Variants in COBLL1 observed in about 807,000 individuals in gnomAD.
COBLL1 encodes cordon-bleu protein-like 1.
In COBLL1, 50 loss-of-function variants were observed where a neutral mutation model predicts 94.8. That is an observed-to-expected ratio of 0.53 (90% CI 0.42 to 0.67). COBLL1 has a LOEUF of 0.67. Among genes scored for constraint, COBLL1 ranks in the 30% least tolerant of loss-of-function variants. The pLI is 0.00. For missense variants in COBLL1, 1,362 were observed against 1,348.7 expected (o/e 1.01, Z -0.15); for synonymous variants, 448 against 473.8 (o/e 0.95, Z 0.71).
chr2:164,779,358 A>G (rs1009434362), intron 2 of COBLL1, among the ~76,000 whole-genome samples: 1 of 152,036 alleles, frequency 6.6e-6, no homozygotes, highest in Non-Finnish European at 1.5e-5. Context: ...TCTCTTGATA[A>G]CTTGAAGGAA....
chr2:164,705,723 A>G (rs554742763), intron 7 of COBLL1, among the ~76,000 whole-genome samples: 2 of 152,294 alleles, frequency 1.3e-5, no homozygotes, highest in African/African-American at 4.8e-5. Context: ...ATGAACGAAT[A>G]AATAACTATT....
chr2:164,700,797 C>A, intron 9 of COBLL1, 41 bp from the exon 10 acceptor site: 1 of 1,241,648 alleles, frequency 8.1e-7, no homozygotes, highest in Non-Finnish European at 1.2e-6. Context: ...ATTAATTTGC[C>A]TCATTCATCA....
intron 2 of COBLL1, among the ~76,000 whole-genome samples, chr2:164,818,288 GTATGTATACA>G (rs139069109): frequency 0.023 from 3,465 of 147,650 alleles, 165 homozygotes; most frequent in African/African-American, 0.082. Context: ...ATACATATAT[GTATGTATACA>G]TATGTATACA....
intron 2 of COBLL1, chr2:164,837,373 T>C (rs1559062449): frequency 4.6e-6 from 2 of 434,760 alleles, no homozygotes; most frequent in Admixed American, 3.0e-5. Flanking sequence ...AGTACTAATA[T>C]AGAAAACTTA....
At chr2:164,793,888 G>A (rs1224135241) in intron 2 of COBLL1, among the ~76,000 whole-genome samples, 1 of 152,144 alleles carries the variant, frequency 6.6e-6, no homozygotes, top group African/African-American at 2.4e-5. Context: ...TCATCTATTA[G>A]GAAAGTAATT....
chr2:164,738,671 G>A (rs1484162327), intron 3 of COBLL1, among the ~76,000 whole-genome samples: 4 of 152,200 alleles, frequency 2.6e-5, no homozygotes, highest in Non-Finnish European at 5.9e-5. Flanking sequence ...GAAACAGGTT[G>A]AGTATCCCTC....
intron 2 of COBLL1, among the ~76,000 whole-genome samples, chr2:164,801,731 C>T (rs1222384724): frequency 6.6e-6 from 1 of 152,178 alleles, no homozygotes; most frequent in East Asian, 1.9e-4. Context: ...CAGGCTGCCA[C>T]ACAGTTTTCT....
intron 2 of COBLL1, among the ~76,000 whole-genome samples, chr2:164,661,805 A>G (rs1173777299): frequency 1.3e-5 from 2 of 152,218 alleles, no homozygotes; most frequent in Non-Finnish European, 2.9e-5. Flanking sequence ...GTAAAGCCAT[A>G]TATTTAACTT....
intron 2 of COBLL1, among the ~76,000 whole-genome samples, chr2:164,749,639 G>T (rs940620841): frequency 2.6e-5 from 4 of 152,120 alleles, no homozygotes; most frequent in Non-Finnish European, 4.4e-5. Flanking sequence ...GCATAACATT[G>T]TATTATGTGC....
chr2:164,687,294 A>T, intron 13 of COBLL1: 2 of 609,948 alleles, frequency 3.3e-6, no homozygotes, highest in South Asian at 3.8e-5. Flanking sequence ...TCATGAGTGC[A>T]GGGCCCGGCA....
chr2:164,696,007 T>G, intron 11 of COBLL1, 171 bp from the exon 12 acceptor site: 1 of 574,900 alleles, frequency 1.7e-6, no homozygotes, highest in South Asian at 2.4e-5. Flanking sequence ...AGTACGTGCT[T>G]TGGATTCATA....
intron 2 of COBLL1, among the ~76,000 whole-genome samples, chr2:164,663,724 T>C (rs1691106013): frequency 6.6e-6 from 1 of 152,196 alleles, no homozygotes; most frequent in African/African-American, 2.4e-5. Context: ...TTGCATGTTT[T>C]CACTTATAAG....
chr2:164,819,087 T>C (rs904067205), intron 2 of COBLL1, among the ~76,000 whole-genome samples: 4 of 152,046 alleles, frequency 2.6e-5, no homozygotes, highest in Non-Finnish European at 2.9e-5. Flanking sequence ...TGTCAAATAT[T>C]TAATCTATCA....
chr2:164,704,993 T>G lies in COBLL1; in HGVS notation c.1109A>C (p.Lys370Thr). 1 of 1,601,488 alleles carries G rather than the reference T, an allele frequency of 6.2e-7. No homozygotes were observed. Residue 370 changes from lysine (K) to threonine (T), a missense_variant, in exon 8 of 14, where the codon AAA (lysine) becomes ACA (threonine). Transcript: ENST00000652658. ...TTCATCACTTTGATGCGGGGGTATT[T>G]TGGAGGGTGGGGAAGGTGCTTTTCG... ...TKRKAPSPPSKIPPHQSDENS... is the reference protein window; with the variant it reads ...TKRKAPSPPSTIPPHQSDENS...
rs748396178 is a variant in COBLL1, at chr2:164,708,761, A to G, written c.997-3656T>C. On this transcript the variant is annotated intron_variant, in intron 7 of 13. Transcript: ENST00000652658. ...CCAGTAAGAATGCAACAGGTGATCA[A>G]TAAGTGGTAGCTTAAAGCATGAAGC... 3.3e-5 allele frequency among the ~76,000 whole-genome samples: 5 copies of G among 152,378 alleles called. No individual in the cohort carries two copies. In the South Asian group the frequency reaches 6.2e-4, roughly 19 times the overall value.
chr2:164,755,522 C>A (rs921783119), intron 2 of COBLL1, among the ~76,000 whole-genome samples: 2 of 152,064 alleles, frequency 1.3e-5, no homozygotes, highest in East Asian at 3.9e-4. Context: ...TTTTAAGGAA[C>A]ATAGCAATTA....
intron 2 of COBLL1, among the ~76,000 whole-genome samples, chr2:164,660,167 T>C (rs1270330782): frequency 6.6e-6 from 1 of 152,202 alleles, no homozygotes; most frequent in Non-Finnish European, 1.5e-5. Context: ...GTCTGCTTTC[T>C]GTCCTTTTGA....
At chr2:164,728,637 T>G (rs751234786) in intron 4 of COBLL1, among the ~76,000 whole-genome samples, 137 of 152,158 alleles carry the variant, frequency 9.0e-4, no homozygotes, top group South Asian at 1.2e-3. Context: ...GTTAAGTCAC[T>G]AAAATTTTTG....
Position 164,728,043 on chromosome 2 carries a change from T to A in COBLL1, c.587A>T (p.Gln196Leu), listed in dbSNP as rs1428634336. Reference sequence around the variant, plus strand: ...AGATTTTGTCAAGTCAAGAGGCTCCTGCGATTGATAATCTTTCAACAATAG... The same window carrying A: ...AGATTTTGTCAAGTCAAGAGGCTCCAGCGATTGATAATCTTTCAACAATAG... ...HTLLLKDYQS[Q>L]EPLDLTKSLN... The change falls in exon 5 of 14, where the codon CAG (glutamine) becomes CTG (leucine). Residue 196 changes from glutamine (Q) to leucine (L), a missense_variant. Physicochemically the swap from Gln to Leu is moderately radical, Grantham distance 113 (BLOSUM62 -2). Transcript: ENST00000652658. 1 of 1,613,820 alleles carries A rather than the reference T, an allele frequency of 6.2e-7. No homozygotes were observed. The highest frequency in any genetic ancestry group is 1.1e-5 in the South Asian group (1 of 91,082).
Sources: gnomAD v4.1 joint callset for allele counts (sites outside exome capture counted in the v4.1 genomes callset) on GRCh38, gnomAD v4.1.1 for gene constraint, MANE v1.5 for transcripts, NCBI Gene and HGNC (gene_info 2026-07-23, HGNC 2026-07-21) for gene names.